Variants in TRPV2 observed in about 807,000 individuals in gnomAD.
TRPV2 encodes the protein transient receptor potential cation channel subfamily V member 2.
Under a neutral mutation model 91.0 loss-of-function variants are expected in TRPV2, and 58 were observed. The ratio of observed to expected loss-of-function variants is 0.64; its 90% CI spans 0.52 to 0.79. The LOEUF is 0.79. TRPV2 is among the 30% of genes least tolerant of loss of function. The pLI is 0.00. For missense variants in TRPV2, 807 were observed against 969.6 expected (o/e 0.83, Z 2.23); for synonymous variants, 417 against 414.8 (o/e 1.01, Z -0.06).
chr17:16,427,886 G>T (rs1443247535), intron 8 of TRPV2, among the ~76,000 whole-genome samples: 1 of 152,214 alleles, frequency 6.6e-6, no homozygotes, highest in Non-Finnish European at 1.5e-5. Context: ...ACCAGAGGTA[G>T]GTGGGGTTCA....
chr17:16,431,256 CAT>C (rs60066961), intron 10 of TRPV2, among the ~76,000 whole-genome samples: 3,791 of 67,730 alleles, frequency 0.056, 129 homozygotes, highest in African/African-American at 0.074. Context: ...TGATCTGAGA[CAT>C]ATATATATAT....
intron 10 of TRPV2, 36 bp downstream of exon 10, chr17:16,429,018 G>A (rs754093360): frequency 9.9e-6 from 16 of 1,609,750 alleles, no homozygotes; most frequent in Non-Finnish European, 8.5e-7. Flanking sequence ...GACTCTTTTG[G>A]CCTCATCAGG....
At chr17:16,425,278 C>A (rs191823275) in intron 5 of TRPV2, among the ~76,000 whole-genome samples, 133 of 152,266 alleles carry the variant, frequency 8.7e-4, no homozygotes, top group African/African-American at 3.1e-3. Flanking sequence ...CCTGCCTCAG[C>A]CTCCCAAAGT....
Position 16,436,886 on chromosome 17 carries a change from C to T in TRPV2, c.2292C>T (p.Asn764=). The change falls in exon 15 of 15, where the codon AAC becomes AAT. Residue 764 remains asparagine, a synonymous_variant. Coordinates refer to ENST00000338560, the MANE Select transcript of TRPV2 (RefSeq NM_016113.5). ...TGCCCGTCCAGCTCCTCCAGTCCAA[C>T]TGATGGCCCAGATGCAGCAGGAGGC... ...NYVPVQLLQS[N] 5 of 1,613,480 alleles carry T rather than the reference C, an allele frequency of 3.1e-6. No homozygotes were observed. Among genetic ancestry groups the T allele is most frequent in the Non-Finnish European group, 4.2e-6 (5 of 1,179,352 alleles).
Position 16,428,311 on chromosome 17 carries a change from C to T in TRPV2, c.1351-6C>T, listed in dbSNP as rs2093393916. On this transcript the variant is annotated splice_region_variant and splice_polypyrimidine_tract_variant and intron_variant, in intron 8 of 14. Transcript: ENST00000338560. ...TCACAGCCCTCTGTCCTCCCTTCCT[C>T]CGCAGCTGTGGTACTTCTGGCGGCG... 6.2e-7 allele frequency: 1 copy of T among 1,614,222 alleles called. No homozygotes were observed. Among genetic ancestry groups the T allele is most frequent in the East Asian group, 2.2e-5 (1 of 44,890 alleles).
Position 16,436,980 on chromosome 17 carries a change from C to T in TRPV2, c.*91C>T. The T allele has an allele frequency of 1.0e-6, 1 of 1,004,964 alleles. No homozygotes were observed. Among genetic ancestry groups the T allele is most frequent in the Non-Finnish European group, 1.5e-6 (1 of 646,126 alleles). 62.3% of individuals were successfully genotyped at this position (1,004,964 alleles called of 1,614,324 possible). A position where few individuals can be genotyped will look rare whatever the true frequency, so the allele number is the denominator to read the frequency against. On this transcript the variant is annotated 3_prime_UTR_variant, in exon 15 of 15. Coordinates refer to ENST00000338560, the MANE Select transcript of TRPV2 (RefSeq NM_016113.5). ...CTGGGGTCCCAGTGAATTCTGGTGGCAAATATATATTTTCACTAACTAACT... is the reference window on the plus strand; with the variant it reads ...CTGGGGTCCCAGTGAATTCTGGTGGTAAATATATATTTTCACTAACTAACT...
Position 16,421,514 on chromosome 17 carries a change from T to C in TRPV2, c.335-1085T>C, listed in dbSNP as rs547718999. Among the ~76,000 whole-genome samples the C allele has an allele frequency of 3.7e-3, 550 of 149,076 alleles. 8 individuals carry two copies. The highest frequency in any genetic ancestry group is 0.013 in the African/African-American group (511 of 39,848). The stretch of plus-strand genomic sequence containing the variant: ...GATTACAGGCGTGAGCCACCGCGCC[T>C]GGCCATTTTTTTTTTTTTTTTTTCC... On this transcript the variant is annotated intron_variant, in intron 3 of 14. Coordinates refer to ENST00000338560, the MANE Select transcript of TRPV2 (RefSeq NM_016113.5).
At position 16,435,531 on chromosome 17, in the gene TRPV2, C is replaced by T. The variant is rs992229545; in HGVS notation, c.2194+562C>T. On this transcript the variant is annotated intron_variant, in intron 14 of 14. Coordinates refer to ENST00000338560, the MANE Select transcript of TRPV2 (RefSeq NM_016113.5). The surrounding 1 kb of genome is among the most constrained non-coding windows in gnomAD (Gnocchi z 4.2). Reference sequence around the variant, plus strand: ...CCGTTCCAGTGTAGTGATGGCCCCTCCTGTCCCCACCCTGCTGCCTCCACC... The same window carrying T: ...CCGTTCCAGTGTAGTGATGGCCCCTTCTGTCCCCACCCTGCTGCCTCCACC... Among the ~76,000 whole-genome samples, 15 of 152,122 alleles carry T rather than the reference C, an allele frequency of 9.9e-5. No individual in the cohort carries two copies. The highest frequency in any genetic ancestry group is 9.2e-4 in the Admixed American group (14 of 15,278).
chr17:16,421,462 C>T (rs749364087), intron 3 of TRPV2, among the ~76,000 whole-genome samples: 6 of 151,728 alleles, frequency 4.0e-5, no homozygotes, highest in Non-Finnish European at 8.8e-5. Flanking sequence ...TCGTGATCCG[C>T]CCGCCTTGGC....
At chr17:16,422,349 GA>G (rs543980300) in intron 3 of TRPV2, among the ~76,000 whole-genome samples, 2 of 148,738 alleles carry the variant, frequency 1.3e-5, no homozygotes, top group South Asian at 4.2e-4. Flanking sequence ...GAAAAGAAAA[GA>G]AAAGAAAAAG....
At position 16,435,767 on chromosome 17, in the gene TRPV2, G is replaced by A. The variant is rs2143000484; in HGVS notation, c.2194+798G>A. Among the ~76,000 whole-genome samples the A allele has an allele frequency of 6.6e-6, 1 of 152,252 alleles. No individual in the cohort carries two copies. Among genetic ancestry groups the A allele is most frequent in the East Asian group, 1.9e-4 (1 of 5,174 alleles). ...TGAGTCTCCCATGGCCCCTGTTGTA[G>A]GGAGGCTCCTCTGGCCTCTTCTGCC... On this transcript the variant is annotated intron_variant, in intron 14 of 14. Coordinates refer to ENST00000338560, the MANE Select transcript of TRPV2 (RefSeq NM_016113.5). This position sits in a 1 kb window ranked among gnomAD's most constrained non-coding sequence, Gnocchi z 4.2.
At position 16,434,934 on chromosome 17, in the gene TRPV2, CG is replaced by C; in HGVS notation, c.2160del (p.Leu721CysfsTer?). On this transcript the variant is annotated frameshift_variant, in exon 14 of 15. Transcript: ENST00000338560. LOFTEE classifies it high-confidence loss of function. The part of the protein sequence containing the change: ...NWASWEQTLP[T>X]LCEDPSGAGV... ...GCTTCATGGGAGCAGACGCTGCCTA[CG>C]CTGTGTGAGGACCCGTCAGGGGCAG... 6.2e-7 allele frequency: 1 copy of C among 1,611,822 alleles called. No individual in the cohort carries two copies. Among genetic ancestry groups the C allele is most frequent in the South Asian group, 1.1e-5 (1 of 90,680 alleles).
chr17:16,425,086 G>A (rs182551813), intron 5 of TRPV2, among the ~76,000 whole-genome samples: 81 of 146,818 alleles, frequency 5.5e-4, no homozygotes, highest in Admixed American at 1.6e-3. Flanking sequence ...GTACAATGGC[G>A]CGATCTCGGC....
At chr17:16,428,195 C>G in intron 8 of TRPV2, 122 bp from the exon 9 acceptor site, 1 of 845,700 alleles carries the variant, frequency 1.2e-6, no homozygotes, top group Non-Finnish European at 2.0e-6. Context: ...ATTCATGAGT[C>G]CCCCAAAACC....
Position 16,431,962 on chromosome 17 carries a change from A to G in TRPV2, c.1655-4A>G, listed in dbSNP as rs1479882222. On this transcript the variant is annotated splice_region_variant and splice_polypyrimidine_tract_variant and intron_variant, in intron 11 of 14. Transcript: ENST00000338560. ...CTAAGGACCCCTCTCCCTTCATCCC[A>G]TAGCCCTGGTGAGCCTGAGCCAGGA... is the stretch of plus-strand genomic sequence containing the variant. The G allele has an allele frequency of 6.2e-7, 1 of 1,607,552 alleles. No homozygotes were observed. Among genetic ancestry groups the G allele is most frequent in the Non-Finnish European group, 8.5e-7 (1 of 1,175,828 alleles).
In TRPV2 at chr17:16,426,013, G is replaced by A; in HGVS notation, c.925-86G>A. On this transcript the variant is annotated intron_variant, in intron 5 of 14. Coordinates refer to ENST00000338560, the MANE Select transcript of TRPV2 (RefSeq NM_016113.5). This position sits in a 1 kb window ranked among gnomAD's most constrained non-coding sequence, Gnocchi z 6.0. ...GCAGCTCTGCAGACCGTGGGCAGCT[G>A]CTGAGTCCTGGGTGTTTCCCAGCCT... is the stretch of plus-strand genomic sequence containing the variant. 3.3e-6 allele frequency: 5 copies of A among 1,497,596 alleles called. No individual in the cohort carries two copies. Among genetic ancestry groups the A allele is most frequent in the Non-Finnish European group, 4.6e-6 (5 of 1,086,726 alleles). 92.8% of individuals were successfully genotyped at this position (1,497,596 alleles called of 1,614,324 possible).
intron 10 of TRPV2, among the ~76,000 whole-genome samples, chr17:16,431,372 C>G (rs2093412027): frequency 6.8e-6 from 1 of 146,582 alleles, no homozygotes; most frequent in African/African-American, 2.5e-5. Flanking sequence ...CGGCTCACCA[C>G]AACCTCTGCC....
chr17:16,417,930 G>A (rs992751721), intron 2 of TRPV2, 62 bp downstream of exon 2: 20 of 1,484,436 alleles, frequency 1.3e-5, no homozygotes, highest in Admixed American at 3.9e-5. Context: ...CAGAGCACCC[G>A]GAGTGAGACT....
chr17:16,431,739 G>T, intron 10 of TRPV2, 45 bp from the exon 11 acceptor site: 3 of 1,595,670 alleles, frequency 1.9e-6, no homozygotes, highest in Non-Finnish European at 2.6e-6. Flanking sequence ...GGTCGTGACT[G>T]GTGGCCCAGC....
Sources: allele counts gnomAD v4.1 joint callset (sites outside exome capture counted in the v4.1 genomes callset), GRCh38; gene constraint gnomAD v4.1.1; non-coding constraint Gnocchi (gnomAD v3.1); transcripts MANE v1.5; gene names NCBI Gene and HGNC (gene_info 2026-07-23, HGNC 2026-07-21).